Variants in ZFYVE16 observed in about 807,000 individuals in gnomAD.
ZFYVE16 encodes zinc finger FYVE domain-containing protein 16.
In ZFYVE16, 89 loss-of-function variants were observed where a neutral mutation model predicts 138.1. The ratio of observed to expected loss-of-function variants is 0.64; its 90% CI spans 0.54 to 0.77. The LOEUF (loss-of-function observed/expected upper bound fraction) is 0.77, where lower values mean the gene tolerates loss of function less well. ZFYVE16 is among the 30% of genes least tolerant of loss of function. ZFYVE16 has a pLI of 0.00. For synonymous variants in ZFYVE16, 596 were observed against 618.3 expected, an observed-to-expected ratio of 0.96 and a Z score of 0.53; for missense variants, 1,793 against 1,786.7, an observed-to-expected ratio of 1.00 and a Z score of -0.06.
chr5:80,408,685 G>T (rs1427945234), intron 1 of ZFYVE16, among the ~76,000 whole-genome samples: 2 of 152,232 alleles, frequency 1.3e-5, no homozygotes, highest in Admixed American at 1.3e-4. Flanking sequence ...CTTTCCCGCT[G>T]CCTTTCCTTT....
At chr5:80,449,505 G>A in intron 8 of ZFYVE16, 86 bp from the exon 9 acceptor site, 1 of 1,402,860 alleles carries the variant, frequency 7.1e-7, no homozygotes, top group Non-Finnish European at 9.7e-7. Flanking sequence ...TCAGGCCACT[G>A]GTGGATTTAT....
At chr5:80,465,571 A>G (rs538169677) in intron 15 of ZFYVE16, among the ~76,000 whole-genome samples, 2 of 151,338 alleles carry the variant, frequency 1.3e-5, no homozygotes, top group Non-Finnish European at 3.0e-5. Context: ...AGGTTTGGCT[A>G]ATTTTTTTTC....
chr5:80,435,821 G>A (rs1036513650), intron 3 of ZFYVE16: 3 of 335,690 alleles, frequency 8.9e-6, no homozygotes, highest in African/African-American at 2.2e-5. Context: ...GTTATCCTCC[G>A]ACCGTGGCTT....
In ZFYVE16 at chr5:80,413,086, G is replaced by A. The variant is rs910851479; in HGVS notation, c.-94+4933G>A. 3.9e-5 allele frequency among the ~76,000 whole-genome samples: 6 copies of A among 152,304 alleles called. No homozygotes were observed. The East Asian group carries it at 1.2e-3, about 29-fold the overall frequency. On this transcript the variant is annotated intron_variant, in intron 1 of 18. Transcript: ENST00000505560. ...ATTTACTTGGAAGGCTGAGGTGGGAGGATCGCTTGAGCCCAGCACGTGGAG... is the reference window on the plus strand; with the variant it reads ...ATTTACTTGGAAGGCTGAGGTGGGAAGATCGCTTGAGCCCAGCACGTGGAG...
chr5:80,466,259 C>T (rs1359585230), intron 15 of ZFYVE16, among the ~76,000 whole-genome samples: 1 of 152,094 alleles, frequency 6.6e-6, no homozygotes, highest in Non-Finnish European at 1.5e-5. Context: ...TATACCCACA[C>T]GTCTCTGAGG....
At chr5:80,464,877 A>G (rs1242688192) in intron 15 of ZFYVE16, among the ~76,000 whole-genome samples, 1 of 152,164 alleles carries the variant, frequency 6.6e-6, no homozygotes, top group African/African-American at 2.4e-5. Context: ...AAAATGTTTA[A>G]CAATATAATT....
chr5:80,448,358 G>A lies in ZFYVE16; in HGVS notation c.3057G>A (p.Glu1019=), dbSNP rs1751620157. ...CNKISLLPND[E]DSLPPLLVAS... ...AGATTAGTCTTCTACCTAATGATGA[G>A]GACAGTTTGCCCCCACTTCTGGTTG... The change falls in exon 8 of 19, where the codon GAG becomes GAA. Residue 1019 remains glutamate (E), a synonymous_variant. Coordinates refer to ENST00000505560, the MANE Select transcript of ZFYVE16 (RefSeq NM_001284236.3). The A allele has an allele frequency of 1.9e-6, 3 of 1,584,324 alleles. No homozygotes were observed. The highest frequency in any genetic ancestry group is 1.7e-6 in the Non-Finnish European group (2 of 1,166,618).
rs897095551 is a variant in ZFYVE16, at chr5:80,436,892, A to G, written c.207A>G (p.Ser69=). ...AGTGCGTTAATAGTTGTGCCTCATC[A>G]GAAACAAGCTATGGAACAAATGAGA... ...DQECVNSCAS[S]ETSYGTNESS... Residue 69 remains serine (S), a synonymous_variant, in exon 4 of 19, where the codon TCA becomes TCG. Transcript: ENST00000505560. The G allele has an allele frequency of 6.2e-7, 1 of 1,614,188 alleles. No homozygotes were observed. Among genetic ancestry groups the G allele is most frequent in the Non-Finnish European group, 8.5e-7 (1 of 1,180,030 alleles).
At position 80,479,323 on chromosome 5, in the gene ZFYVE16, T is replaced by G. The variant is rs1345346566; in HGVS notation, c.*1946T>G. 1 of 152,136 alleles carries G rather than the reference T, an allele frequency of 6.6e-6. No individual in the cohort carries two copies. Among genetic ancestry groups the G allele is most frequent in the Non-Finnish European group, 1.5e-5 (1 of 68,030 alleles). 9.4% of individuals were successfully genotyped at this position (152,136 alleles called of 1,614,324 possible). A position where few individuals can be genotyped will look rare whatever the true frequency, so the allele number is the denominator to read the frequency against. On this transcript the variant is annotated 3_prime_UTR_variant, in exon 19 of 19. Transcript: ENST00000505560. Reference sequence around the variant, plus strand: ...CTCTCTTTCTCTGAATTTTGAAATATGAAGTAAAATCTAGCCCATTTGTTT... The same window carrying G: ...CTCTCTTTCTCTGAATTTTGAAATAGGAAGTAAAATCTAGCCCATTTGTTT...
rs142697608 is a variant in ZFYVE16, at chr5:80,417,872, G to T, written c.-93-9620G>T. ...ATGATTGCTGGATTATATGGTAGTA[G>T]TAAGTTTTGTAAGAGACCGCCAAAT... On this transcript the variant is annotated intron_variant, in intron 1 of 18. Coordinates refer to ENST00000505560, the MANE Select transcript of ZFYVE16 (RefSeq NM_001284236.3). Among the ~76,000 whole-genome samples the T allele has an allele frequency of 6.2e-3, 950 of 152,282 alleles. 10 individuals are homozygous for T. The highest frequency in any genetic ancestry group is 0.021 in the African/African-American group (879 of 41,560).
Position 80,436,895 on chromosome 5 carries a change from A to C in ZFYVE16, c.210A>C (p.Glu70Asp). Residue 70 changes from glutamate to aspartate, a missense_variant, in exon 4 of 19, where the codon GAA (glutamate) becomes GAC (aspartate). By Grantham distance (45) the Glu-to-Asp change is conservative. This residue lies in a region of ZFYVE16 where 1,295 missense variants were observed against 1,204.3 expected (regional missense o/e 1.08). Transcript: ENST00000505560. ...GCGTTAATAGTTGTGCCTCATCAGAAACAAGCTATGGAACAAATGAGAGTT... is the reference window on the plus strand; with the variant it reads ...GCGTTAATAGTTGTGCCTCATCAGACACAAGCTATGGAACAAATGAGAGTT... ...QECVNSCASSETSYGTNESSL... is the reference protein window; with the variant it reads ...QECVNSCASSDTSYGTNESSL... The C allele has an allele frequency of 1.2e-6, 2 of 1,614,170 alleles. No individual in the cohort carries two copies. Among genetic ancestry groups the C allele is most frequent in the South Asian group, 1.1e-5 (1 of 91,082 alleles).
chr5:80,439,985 A>G lies in ZFYVE16; in HGVS notation c.2372A>G (p.Glu791Gly). 1 of 1,611,706 alleles carries G rather than the reference A, an allele frequency of 6.2e-7. No individual in the cohort carries two copies. The highest frequency in any genetic ancestry group is 8.5e-7 in the Non-Finnish European group (1 of 1,178,764). ...CNRKCKLQYLEKEARVCVVCY... is the reference protein window; with the variant it reads ...CNRKCKLQYLGKEARVCVVCY... ...AGGAAGTGTAAACTGCAATATCTAG[A>G]AAAGGAAGCAAGAGTATGTGTAGTC... Residue 791 changes from glutamate to glycine, a missense_variant, in exon 5 of 19, where the codon GAA becomes GGA. Physicochemically the swap from Glu to Gly is moderately conservative, Grantham distance 98. This residue lies in a region of ZFYVE16 where 1,295 missense variants were observed against 1,204.3 expected (regional missense o/e 1.08). Coordinates refer to ENST00000505560, the MANE Select transcript of ZFYVE16 (RefSeq NM_001284236.3).
At chr5:80,449,237 A>G (rs1022384659) in intron 8 of ZFYVE16, among the ~76,000 whole-genome samples, 1 of 152,154 alleles carries the variant, frequency 6.6e-6, no homozygotes, top group Non-Finnish European at 1.5e-5. Flanking sequence ...GACTACTTTC[A>G]TAGACTTGTA....
chr5:80,462,269 A>G (rs1314653426), intron 15 of ZFYVE16, among the ~76,000 whole-genome samples: 1 of 152,176 alleles, frequency 6.6e-6, no homozygotes, highest in Non-Finnish European at 1.5e-5. Flanking sequence ...GGTTTAATTG[A>G]CTCACAGTTC....
At chr5:80,449,185 T>C (rs1459854510) in intron 8 of ZFYVE16, among the ~76,000 whole-genome samples, 2 of 152,148 alleles carry the variant, frequency 1.3e-5, no homozygotes, top group Non-Finnish European at 2.9e-5. Flanking sequence ...AAGTAGCTGA[T>C]ATAGGCATGT....
In ZFYVE16 at chr5:80,443,153, C is replaced by G. The variant is rs771054955; in HGVS notation, c.2450C>G (p.Thr817Ser). 99 of 1,584,366 alleles carry G rather than the reference C, an allele frequency of 6.2e-5. No individual in the cohort carries two copies. Among genetic ancestry groups the G allele is most frequent in the Non-Finnish European group, 6.9e-5 (81 of 1,172,376 alleles). The change falls in exon 6 of 19, where the codon ACT becomes AGT. Residue 817 changes from threonine (T) to serine (S), a missense_variant. Transcript: ENST00000505560. ...GCATTTGAAAGGATGATGAGTCCAACTGGTTCTAATCTTAAGTCTAATCAT... is the reference window on the plus strand; with the variant it reads ...GCATTTGAAAGGATGATGAGTCCAAGTGGTTCTAATCTTAAGTCTAATCAT... ...AQAFERMMSP[T>S]GSNLKSNHSD...
chr5:80,424,868 A>G (rs1420426361), intron 1 of ZFYVE16, among the ~76,000 whole-genome samples: 1 of 152,240 alleles, frequency 6.6e-6, no homozygotes, highest in African/African-American at 2.4e-5. Flanking sequence ...AACATGCTTC[A>G]TTGAATTAAG....
chr5:80,431,657 T>G (rs1340975198), intron 2 of ZFYVE16, among the ~76,000 whole-genome samples: 1 of 152,158 alleles, frequency 6.6e-6, no homozygotes, highest in Non-Finnish European at 1.5e-5. Context: ...TGTCCCTGTT[T>G]GCAGATAACA....
At chr5:80,412,106 C>T (rs1328663131) in intron 1 of ZFYVE16, among the ~76,000 whole-genome samples, 1 of 152,070 alleles carries the variant, frequency 6.6e-6, no homozygotes, top group East Asian at 1.9e-4. Context: ...TTTTAGCCAC[C>T]TTTATATGTA....
Sources: allele counts gnomAD v4.1 joint callset (sites outside exome capture counted in the v4.1 genomes callset), GRCh38; gene constraint gnomAD v4.1.1; regional missense constraint gnomAD v4.1.1; transcripts MANE v1.5; gene names NCBI Gene and HGNC (gene_info 2026-07-23, HGNC 2026-07-21).